The following FARS2 variants were observed in gnomAD, a reference collection of about 807,000 sequenced individuals.
FARS2 encodes the protein phenylalanine--tRNA ligase, mitochondrial.
Under a neutral mutation model 46.4 loss-of-function variants are expected in FARS2, and 40 were observed. The observed-to-expected ratio is 0.86, with a 90% CI of 0.67 to 1.12. The LOEUF is 1.12. Among genes scored for constraint, FARS2 ranks in the 50% most tolerant of loss-of-function variants. The pLI, the probability that FARS2 is intolerant of heterozygous loss-of-function variation, is 0.00. For missense variants in FARS2, 513 were observed against 567.9 expected (o/e 0.90, Z 0.98); for synonymous variants, 234 against 214.9 (o/e 1.09, Z -0.78).
chr6:5,429,453 T>C (rs1763036483), intron 3 of FARS2, among the ~76,000 whole-genome samples: 1 of 152,208 alleles, frequency 6.6e-6, no homozygotes. Flanking sequence ...TCTTGTCTAA[T>C]GTTTGACTCT....
intron 6 of FARS2, among the ~76,000 whole-genome samples, chr6:5,697,173 A>G (rs1303669436): frequency 6.6e-6 from 1 of 152,184 alleles, no homozygotes; most frequent in African/African-American, 2.4e-5. Flanking sequence ...TATTTTTAAC[A>G]GGCTACAAAT....
intron 2 of FARS2, among the ~76,000 whole-genome samples, chr6:5,373,670 C>T (rs747477137): frequency 3.3e-5 from 5 of 152,022 alleles, no homozygotes; most frequent in African/African-American, 1.2e-4. Context: ...GTTCAAGTGT[C>T]CTTAAATACT....
rs567707293 is a variant in FARS2, at chr6:5,739,397, A to G, written c.1218-31894A>G. ...CTAACTTCTAGCATGGCCATTTCCA[A>G]TTTTGGCAAAGTTGGAACACCTGCC... On this transcript the variant is annotated intron_variant, in intron 6 of 6. Coordinates refer to ENST00000274680, the MANE Select transcript of FARS2 (RefSeq NM_006567.5). 7.1e-4 allele frequency among the ~76,000 whole-genome samples: 108 copies of G among 152,288 alleles called. 1 individual carries two copies. Among genetic ancestry groups the G allele is most frequent in the African/African-American group, 1.3e-3 (52 of 41,564 alleles).
intron 1 of FARS2, among the ~76,000 whole-genome samples, chr6:5,283,892 A>T (rs947023416): frequency 6.6e-6 from 1 of 152,210 alleles, no homozygotes; most frequent in Non-Finnish European, 1.5e-5. Flanking sequence ...TAATATCCTC[A>T]TTCAGGCATC....
At chr6:5,308,204 G>A (rs1768853582) in intron 1 of FARS2, among the ~76,000 whole-genome samples, 2 of 152,156 alleles carry the variant, frequency 1.3e-5, no homozygotes, top group Non-Finnish European at 2.9e-5. Context: ...GAAGAACAAT[G>A]AAGCCAGGGT....
intron 5 of FARS2, among the ~76,000 whole-genome samples, chr6:5,595,359 CAT>C (rs1774141203): frequency 6.6e-6 from 1 of 152,206 alleles, no homozygotes; most frequent in Non-Finnish European, 1.5e-5. Context: ...AACCGCCAAT[CAT>C]GTGCTCTTTC....
At chr6:5,598,635 T>TG (rs1774337703) in intron 5 of FARS2, among the ~76,000 whole-genome samples, 2 of 152,278 alleles carry the variant, frequency 1.3e-5, no homozygotes, top group South Asian at 4.1e-4. Flanking sequence ...GAATGTCTAC[T>TG]GGGGGGCTGG....
At position 5,399,779 on chromosome 6, in the gene FARS2, A is replaced by G. The variant is rs547731478; in HGVS notation, c.613-4763A>G. ...TATTTATCAGGATGTCTTGAAAATC[A>G]TTCCATATCAGTCCAGAGAGATCTT... On this transcript the variant is annotated intron_variant, in intron 2 of 6. Coordinates refer to ENST00000274680, the MANE Select transcript of FARS2 (RefSeq NM_006567.5). Among the ~76,000 whole-genome samples, 76 of 152,292 alleles carry G rather than the reference A, an allele frequency of 5.0e-4. 1 individual carries two copies. The highest frequency in any genetic ancestry group is 1.8e-3 in the African/African-American group (73 of 41,568).
intron 4 of FARS2, among the ~76,000 whole-genome samples, chr6:5,518,705 A>T (rs1768959051): frequency 6.6e-6 from 1 of 152,342 alleles, no homozygotes; most frequent in East Asian, 1.9e-4. Flanking sequence ...TGTTTCTATT[A>T]TTAGTAATGT....
chr6:5,277,108 A>C (rs1766388611), intron 1 of FARS2, among the ~76,000 whole-genome samples: 1 of 152,184 alleles, frequency 6.6e-6, no homozygotes, highest in Non-Finnish European at 1.5e-5. Context: ...TCAAATGGTG[A>C]CTGAAGAAGA....
At chr6:5,758,562 C>G (rs1762326927) in intron 6 of FARS2, among the ~76,000 whole-genome samples, 1 of 152,172 alleles carries the variant, frequency 6.6e-6, no homozygotes, top group African/African-American at 2.4e-5. Flanking sequence ...AGCTGAGAAT[C>G]CAGTGTCTGA....
At chr6:5,616,861 C>T (rs911632539) in intron 6 of FARS2, among the ~76,000 whole-genome samples, 3 of 151,934 alleles carry the variant, frequency 2.0e-5, no homozygotes, top group Non-Finnish European at 2.9e-5. Context: ...GTAACCCTTT[C>T]GCACTGGAGA....
chr6:5,427,080 CT>C (rs1399978221), intron 3 of FARS2, among the ~76,000 whole-genome samples: 2 of 152,092 alleles, frequency 1.3e-5, no homozygotes, highest in South Asian at 2.1e-4. Flanking sequence ...AAATTTTGGC[CT>C]TTTTTATTTT....
At chr6:5,711,386 TA>T (rs1759151612) in intron 6 of FARS2, among the ~76,000 whole-genome samples, 1 of 152,150 alleles carries the variant, frequency 6.6e-6, no homozygotes, top group Admixed American at 6.5e-5. Flanking sequence ...AGGTGGAACA[TA>T]ACTCCCCACG....
chr6:5,385,343 GT>G (rs1433618981), intron 2 of FARS2, among the ~76,000 whole-genome samples: 5 of 152,134 alleles, frequency 3.3e-5, no homozygotes, highest in Non-Finnish European at 7.4e-5. Flanking sequence ...AAATGCTTTA[GT>G]TGGATTTGAA....
chr6:5,274,495 C>T (rs896591422), intron 1 of FARS2, among the ~76,000 whole-genome samples: 1 of 152,118 alleles, frequency 6.6e-6, no homozygotes, highest in African/African-American at 2.4e-5. Flanking sequence ...TCATCTTCTC[C>T]CCTGCTTGGA....
At chr6:5,442,994 T>G (rs1447855633) in intron 4 of FARS2, among the ~76,000 whole-genome samples, 1 of 152,236 alleles carries the variant, frequency 6.6e-6, no homozygotes, top group Non-Finnish European at 1.5e-5. Context: ...GTGGCATGAT[T>G]TCTAGATATA....
intron 6 of FARS2, among the ~76,000 whole-genome samples, chr6:5,632,523 A>G (rs1289915911): frequency 1.3e-5 from 2 of 151,874 alleles, no homozygotes; most frequent in Non-Finnish European, 2.9e-5. Context: ...AGGAAGCCGC[A>G]TACCCATTTA....
intron 6 of FARS2, among the ~76,000 whole-genome samples, chr6:5,726,752 G>A (rs1760288140): frequency 2.6e-5 from 4 of 152,098 alleles, no homozygotes; most frequent in Admixed American, 6.5e-5. Context: ...CTTGATCTGC[G>A]AACCCCTCTG....
Sources: gnomAD v4.1 joint callset for allele counts (sites outside exome capture counted in the v4.1 genomes callset) on GRCh38, gnomAD v4.1.1 for gene constraint, MANE v1.5 for transcripts, NCBI Gene and HGNC (gene_info 2026-07-23, HGNC 2026-07-21) for gene names.